The following ITGAL variants were observed in gnomAD, a reference collection of about 807,000 sequenced individuals.
The protein encoded by ITGAL is integrin alpha-L.
In ITGAL, 68 loss-of-function variants were observed where a neutral mutation model predicts 138.4. That is an observed-to-expected ratio of 0.49 (90% CI 0.40 to 0.60). ITGAL has a LOEUF of 0.60. Among genes scored for constraint, ITGAL ranks in the 20% least tolerant of loss-of-function variants. ITGAL has a pLI of 0.00. For missense variants in ITGAL, 1,256 were observed against 1,478.6 expected, an observed-to-expected ratio of 0.85 and a Z score of 2.47; for synonymous variants, 561 against 584.3, an observed-to-expected ratio of 0.96 and a Z score of 0.57.
intron 2 of ITGAL, among the ~76,000 whole-genome samples, chr16:30,475,015 T>C (rs6565187): frequency 0.87 from 131,492 of 151,914 alleles, 57,151 homozygotes; most frequent in East Asian, 1. Flanking sequence ...TGCACCACCA[T>C]GCTGGGCTAA....
At chr16:30,501,479 C>T (rs967001815) in intron 17 of ITGAL, among the ~76,000 whole-genome samples, 1 of 150,022 alleles carries the variant, frequency 6.7e-6, no homozygotes, top group Non-Finnish European at 1.5e-5. Flanking sequence ...TGGGAGGCTG[C>T]GGCAGGAAAA....
At chr16:30,511,355 T>C (rs1464503735) in intron 24 of ITGAL, among the ~76,000 whole-genome samples, 1 of 152,146 alleles carries the variant, frequency 6.6e-6, no homozygotes, top group East Asian at 1.9e-4. Flanking sequence ...CATTTACTGA[T>C]GGAAGAAAAA....
chr16:30,496,630 T>G, intron 15 of ITGAL, 64 bp downstream of exon 15: 1 of 1,398,320 alleles, frequency 7.2e-7, no homozygotes, highest in Admixed American at 3.0e-5. Flanking sequence ...GTTTATATTT[T>G]ATTTTATTTA....
intron 28 of ITGAL, 86 bp from the exon 29 acceptor site, chr16:30,518,538 C>T: frequency 1.2e-6 from 1 of 863,628 alleles, no homozygotes; most frequent in Non-Finnish European, 2.0e-6. Context: ...TTCTCTGCCC[C>T]TCCCCACTGT....
At chr16:30,502,396 CAAAAAAAAAAAAAAAAA>C (rs57501055) in intron 17 of ITGAL, among the ~76,000 whole-genome samples, 2 of 80,096 alleles carry the variant, frequency 2.5e-5, no homozygotes, top group Non-Finnish European at 5.8e-5. Flanking sequence ...GACTCCATCT[CAAAAAAAAAAAAAAAAA>C]AAAAAAAGGA....
intron 21 of ITGAL, among the ~76,000 whole-genome samples, chr16:30,507,480 CAAA>C (rs112556507): frequency 7.5e-6 from 1 of 134,066 alleles, no homozygotes; most frequent in East Asian, 2.1e-4. Flanking sequence ...AAAAAAAAAA[CAAA>C]AAAAAAACCC....
At position 30,479,093 on chromosome 16, in the gene ITGAL, C is replaced by A; in HGVS notation, c.330C>A (p.Ala110=). 6.2e-7 allele frequency: 1 copy of A among 1,613,474 alleles called. No individual in the cohort carries two copies. Among genetic ancestry groups the A allele is most frequent in the Non-Finnish European group, 8.5e-7 (1 of 1,179,714 alleles). Residue 110 remains alanine (A), a splice_region_variant and synonymous_variant, in exon 5 of 31, where the codon GCC becomes GCA. Transcript: ENST00000356798. ...ATDPTDGSIL[A]CDPGLSRTCD... is the part of the protein sequence containing the mutation. ...TCTTTGGCCTTTGCTTTCTTTAGGCCTGTGACCCTGGGCTGTCTCGAACGT... is the reference window on the plus strand; with the variant it reads ...TCTTTGGCCTTTGCTTTCTTTAGGCATGTGACCCTGGGCTGTCTCGAACGT...
intron 4 of ITGAL, among the ~76,000 whole-genome samples, chr16:30,478,162 C>T (rs1483929862): frequency 1.3e-5 from 2 of 150,802 alleles, no homozygotes; most frequent in Non-Finnish European, 3.0e-5. Context: ...GGTGAAACCC[C>T]GTCTCTACTA....
chr16:30,496,088 A>G lies in ITGAL; in HGVS notation c.1504-9A>G, dbSNP rs768267219. 15 of 1,612,482 alleles carry G rather than the reference A, an allele frequency of 9.3e-6. No individual in the cohort carries two copies. The South Asian group carries it at 1.5e-4, about 17-fold the overall frequency. ...ACTTGGGTGTGACCTGTCTCTTGCT[A>G]CTTCCTAGTTGGGGTTTGAAGAAGT... On this transcript the variant is annotated splice_polypyrimidine_tract_variant and intron_variant, in intron 13 of 30. Coordinates refer to ENST00000356798, the MANE Select transcript of ITGAL (RefSeq NM_002209.3).
chr16:30,472,760 C>G lies in ITGAL; in HGVS notation c.-78C>G. 7.6e-7 allele frequency: 1 copy of G among 1,311,104 alleles called. No individual in the cohort carries two copies. Among genetic ancestry groups the G allele is most frequent in the East Asian group, 2.3e-5 (1 of 42,874 alleles). 81.2% of individuals were successfully genotyped at this position (1,311,104 alleles called of 1,614,324 possible). A position where few individuals can be genotyped will look rare whatever the true frequency, so the allele number is the denominator to read the frequency against. ...GGGCATGATCATTTTCCTCTTTCAC[C>G]CTGTCTAGGTTGCCAGCAAATCCCA... On this transcript the variant is annotated 5_prime_UTR_variant, in exon 1 of 31. Transcript: ENST00000356798.
chr16:30,507,236 G>A (rs186513137), intron 21 of ITGAL, among the ~76,000 whole-genome samples: 5 of 152,012 alleles, frequency 3.3e-5, no homozygotes, highest in African/African-American at 9.6e-5. Flanking sequence ...GAGGCGGGCG[G>A]ATCACGAGGT....
intron 4 of ITGAL, among the ~76,000 whole-genome samples, 154 bp downstream of exon 4, chr16:30,475,734 CTTTTT>C (rs35994365): frequency 1.2e-5 from 1 of 81,308 alleles, no homozygotes; most frequent in African/African-American, 6.1e-5. Flanking sequence ...ATGAACCAGC[CTTTTT>C]TTTTTTTTTT....
rs1018674527 is a variant in ITGAL, at chr16:30,484,182, G to C, written c.925G>C (p.Glu309Gln). Residue 309 changes from glutamate (E) to glutamine (Q), a missense_variant, in exon 9 of 31, where the codon GAG (glutamate) becomes CAG (glutamine). Glu to Gln is a conservative substitution (Grantham distance 29). Transcript: ENST00000356798. Reference sequence around the variant, plus strand: ...CAAATTTGCATCAAAACCCGCGAGCGAGTTTGTGAAAATTCTGGACACATT... The same window carrying C: ...CAAATTTGCATCAAAACCCGCGAGCCAGTTTGTGAAAATTCTGGACACATT... ...LHKFASKPAS[E>Q]FVKILDTFEK... is the part of the protein sequence containing the mutation. 6.2e-7 allele frequency: 1 copy of C among 1,614,120 alleles called. No homozygotes were observed. Among genetic ancestry groups the C allele is most frequent in the Admixed American group, 1.7e-5 (1 of 59,994 alleles).
chr16:30,518,448 CA>C (rs371321025), intron 28 of ITGAL, among the ~76,000 whole-genome samples, 175 bp from the exon 29 acceptor site: 2,599 of 99,590 alleles, frequency 0.026, 40 homozygotes, highest in African/African-American at 0.077. Context: ...GACTCCATCT[CA>C]AAAAAAAAAA....
At position 30,487,267 on chromosome 16, in the gene ITGAL, C is replaced by T. The variant is rs145487789; in HGVS notation, c.1007-1815C>T. On this transcript the variant is annotated intron_variant, in intron 9 of 30. Coordinates refer to ENST00000356798, the MANE Select transcript of ITGAL (RefSeq NM_002209.3). Reference sequence around the variant, plus strand: ...CTGGGATTACAGGCATGAGCCACTACGCCCGGCCGAGACAGAGTTTCTACT... The same window carrying T: ...CTGGGATTACAGGCATGAGCCACTATGCCCGGCCGAGACAGAGTTTCTACT... Among the ~76,000 whole-genome samples, 852 of 151,710 alleles carry T rather than the reference C, an allele frequency of 5.6e-3. 5 individuals carry two copies. Among genetic ancestry groups the T allele is most frequent in the African/African-American group, 0.018 (755 of 41,384 alleles).
chr16:30,505,201 T>C (rs775740701), intron 18 of ITGAL, 43 bp from the exon 19 acceptor site: 3 of 1,516,116 alleles, frequency 2.0e-6, no homozygotes, highest in South Asian at 1.3e-5. Context: ...GCTGCCTCAG[T>C]TAATCTCTCC....
In ITGAL at chr16:30,512,326, C is replaced by T. The variant is rs534329205; in HGVS notation, c.2786+1190C>T. Among the ~76,000 whole-genome samples the T allele has an allele frequency of 7.9e-5, 12 of 152,222 alleles. No homozygotes were observed. The South Asian group carries it at 2.3e-3, about 29-fold the overall frequency. The stretch of plus-strand genomic sequence containing the variant: ...ACTTGGCCAGGTGTGGTGGCTCACA[C>T]CTGTAATCCTAGTAATTTGGGAGGC... On this transcript the variant is annotated intron_variant, in intron 24 of 30. Transcript: ENST00000356798.
Position 30,517,036 on chromosome 16 carries a change from C to T in ITGAL, c.2926C>T (p.Pro976Ser), listed in dbSNP as rs1373340998. The T allele has an allele frequency of 1.2e-5, 20 of 1,613,486 alleles. No homozygotes were observed. The highest frequency in any genetic ancestry group is 1.6e-5 in the Non-Finnish European group (19 of 1,179,626). ...IPTLEAVVGV[P>S]QPPSEGPITH... ...CACCCTGGAGGCTGTGGTTGGGGTG[C>T]CACAGCCTCCCAGCGAGGGGCCCAT... The change falls in exon 26 of 31, where the codon CCA (proline) becomes TCA (serine). Residue 976 changes from proline to serine, a missense_variant. Physicochemically the swap from Pro to Ser is moderately conservative, Grantham distance 74. Around this residue, in one of 3 missense-constraint regions of ITGAL, gnomAD observed 867 missense variants for 972.5 expected, o/e 0.89. Transcript: ENST00000356798.
intron 9 of ITGAL, among the ~76,000 whole-genome samples, chr16:30,488,702 C>CAAAA (rs34533619): frequency 4.2e-4 from 24 of 57,674 alleles, no homozygotes; most frequent in African/African-American, 1.2e-3. Flanking sequence ...GACTCCATCT[C>CAAAA]AAAAAAAAAA....
Sources: gnomAD v4.1 joint callset for allele counts (sites outside exome capture counted in the v4.1 genomes callset) on GRCh38, gnomAD v4.1.1 for gene constraint, gnomAD v4.1.1 regional missense constraint, MANE v1.5 for transcripts, NCBI Gene and HGNC (gene_info 2026-07-23, HGNC 2026-07-21) for gene names.